The following MFHAS1 variants were observed in gnomAD, a reference collection of about 807,000 sequenced individuals.
MFHAS1 encodes malignant fibrous histiocytoma-amplified sequence 1.
Under a neutral mutation model 70.4 loss-of-function variants are expected in MFHAS1, and 50 were observed. That is an observed-to-expected ratio of 0.71 (90% CI 0.57 to 0.90). MFHAS1 has a LOEUF of 0.90. Among genes scored for constraint, MFHAS1 ranks in the 40% least tolerant of loss-of-function variants. The pLI is 0.00. For missense variants in MFHAS1, 1,795 were observed against 1,347.6 expected (o/e 1.33, Z -5.20); for synonymous variants, 952 against 620.0 (o/e 1.54, Z -7.96).
intron 1 of MFHAS1, among the ~76,000 whole-genome samples, chr8:8,827,262 A>AT (rs1807197963): frequency 6.6e-6 from 1 of 152,212 alleles, no homozygotes; most frequent in South Asian, 2.1e-4. Context: ...CTGCGTAGTT[A>AT]TTTTTGTGTA....
At chr8:8,844,965 G>C (rs1457075814) in intron 1 of MFHAS1, among the ~76,000 whole-genome samples, 1 of 152,170 alleles carries the variant, frequency 6.6e-6, no homozygotes, top group Non-Finnish European at 1.5e-5. Flanking sequence ...ATAAGAACAA[G>C]AGCAACAAAA....
intron 1 of MFHAS1, among the ~76,000 whole-genome samples, chr8:8,841,592 G>A (rs950152750): frequency 6.6e-6 from 1 of 152,136 alleles, no homozygotes; most frequent in South Asian, 2.1e-4. Context: ...ACAATCACTC[G>A]GTCAGACAGT....
intron 1 of MFHAS1, among the ~76,000 whole-genome samples, chr8:8,804,711 A>G (rs1429365473): frequency 1.3e-5 from 2 of 152,152 alleles, no homozygotes; most frequent in Admixed American, 6.5e-5. Context: ...AAAAGGCCAC[A>G]CTCTTGATTA....
intron 1 of MFHAS1, among the ~76,000 whole-genome samples, chr8:8,866,208 G>A (rs1489091040): frequency 2.0e-5 from 3 of 152,120 alleles, no homozygotes; most frequent in Non-Finnish European, 4.4e-5. Context: ...CATTTTGCCT[G>A]CGAAAAGCTC....
At position 8,837,728 on chromosome 8, in the gene MFHAS1, A is replaced by G. The variant is rs143213664; in HGVS notation, c.2999-40237T>C. Among the ~76,000 whole-genome samples, 304 of 152,196 alleles carry G rather than the reference A, an allele frequency of 2.0e-3. 2 individuals carry two copies. The highest frequency in any genetic ancestry group is 6.7e-3 in the African/African-American group (277 of 41,528). ...CAAATTTAAAACACAATGAGATACC[A>G]CTGCACACCCATTAGGAGGGCTACT... On this transcript the variant is annotated intron_variant, in intron 1 of 2. Coordinates refer to ENST00000276282, the MANE Select transcript of MFHAS1 (RefSeq NM_004225.3).
At chr8:8,836,370 T>C (rs1186281369) in intron 1 of MFHAS1, among the ~76,000 whole-genome samples, 2 of 152,174 alleles carry the variant, frequency 1.3e-5, no homozygotes. Flanking sequence ...CTTTCCTTTC[T>C]ACTTTATTGT....
At chr8:8,826,229 C>T (rs1807154509) in intron 1 of MFHAS1, among the ~76,000 whole-genome samples, 1 of 146,660 alleles carries the variant, frequency 6.8e-6, no homozygotes, top group South Asian at 2.3e-4. Context: ...TCCAGAAATA[C>T]TGCATGCAAA....
intron 1 of MFHAS1, among the ~76,000 whole-genome samples, chr8:8,831,696 C>A (rs1026214654): frequency 6.6e-6 from 1 of 151,898 alleles, no homozygotes; most frequent in Admixed American, 6.6e-5. Context: ...GCAACCTCCG[C>A]CTCCCAGGTT....
intron 1 of MFHAS1, among the ~76,000 whole-genome samples, chr8:8,850,913 C>T (rs181178363): frequency 2.2e-3 from 327 of 151,612 alleles, no homozygotes; most frequent in African/African-American, 7.3e-3. Flanking sequence ...GTAATCTCAG[C>T]GATCTCTTCT....
chr8:8,810,322 TG>T (rs1244954797), intron 1 of MFHAS1, among the ~76,000 whole-genome samples: 1 of 152,164 alleles, frequency 6.6e-6, no homozygotes, highest in Non-Finnish European at 1.5e-5. Context: ...GCCTAGATCA[TG>T]CCACTGTACT....
intron 1 of MFHAS1, among the ~76,000 whole-genome samples, chr8:8,872,982 G>T (rs1423774105): frequency 6.6e-6 from 1 of 152,164 alleles, no homozygotes; most frequent in African/African-American, 2.4e-5. Flanking sequence ...CCACTCGTGA[G>T]CCATCTGGGA....
chr8:8,818,315 C>T (rs1806822033), intron 1 of MFHAS1, among the ~76,000 whole-genome samples: 1 of 152,204 alleles, frequency 6.6e-6, no homozygotes, highest in South Asian at 2.1e-4. Flanking sequence ...TAAGTACAAG[C>T]AAAGTCATAC....
At chr8:8,837,050 G>A (rs965397526) in intron 1 of MFHAS1, among the ~76,000 whole-genome samples, 14 of 152,124 alleles carry the variant, frequency 9.2e-5, no homozygotes, top group African/African-American at 1.9e-4. Context: ...GTGCAATGGC[G>A]GAACTTGTGA....
At chr8:8,826,194 A>C (rs1463151065) in intron 1 of MFHAS1, among the ~76,000 whole-genome samples, 4 of 151,938 alleles carry the variant, frequency 2.6e-5, no homozygotes, top group Non-Finnish European at 5.9e-5. Flanking sequence ...AGAGGTAACT[A>C]CTGTTACCCA....
At chr8:8,824,226 G>A (rs1392607471) in intron 1 of MFHAS1, among the ~76,000 whole-genome samples, 12 of 151,856 alleles carry the variant, frequency 7.9e-5, no homozygotes, top group African/African-American at 2.9e-4. Flanking sequence ...TCTGCGGGGA[G>A]CAGGATGCCT....
At chr8:8,844,641 TTCTC>T (rs1391627449) in intron 1 of MFHAS1, among the ~76,000 whole-genome samples, 1 of 152,228 alleles carries the variant, frequency 6.6e-6, no homozygotes, top group Non-Finnish European at 1.5e-5. Flanking sequence ...AGATGCCTCC[TTCTC>T]AGACCATCTC....
intron 1 of MFHAS1, among the ~76,000 whole-genome samples, chr8:8,873,754 T>C (rs895926179): frequency 4.6e-5 from 7 of 152,298 alleles, no homozygotes; most frequent in African/African-American, 1.7e-4. Context: ...AGAAAACAGA[T>C]GGGACAGAAA....
intron 1 of MFHAS1, among the ~76,000 whole-genome samples, chr8:8,880,367 G>A (rs576727143): frequency 1.3e-5 from 2 of 152,240 alleles, no homozygotes; most frequent in East Asian, 3.9e-4. Context: ...TAAATGACAG[G>A]GAATAGTTTA....
chr8:8,845,285 T>G (rs1027809975), intron 1 of MFHAS1, among the ~76,000 whole-genome samples: 4 of 152,218 alleles, frequency 2.6e-5, no homozygotes, highest in Non-Finnish European at 4.4e-5. Context: ...CTTAAAAACT[T>G]TTTTAAAAAG....
Sources: gnomAD v4.1 joint callset for allele counts (sites outside exome capture counted in the v4.1 genomes callset) on GRCh38, gnomAD v4.1.1 for gene constraint, MANE v1.5 for transcripts, NCBI Gene and HGNC (gene_info 2026-07-23, HGNC 2026-07-21) for gene names.